Variants in BSPH1 observed in about 807,000 individuals in gnomAD.
The protein encoded by BSPH1 is binder of sperm protein homolog 1.
BSPH1 carries 21 observed loss-of-function variants against 22.5 expected under a neutral mutation model. The observed-to-expected ratio is 0.93, with a 90% CI of 0.66 to 1.35. The LOEUF (loss-of-function observed/expected upper bound fraction) is 1.35, where lower values mean the gene tolerates loss of function less well. BSPH1 is among the 40% of genes most tolerant of loss of function. The pLI, the probability that BSPH1 is intolerant of heterozygous loss-of-function variation, is 0.00. For synonymous variants in BSPH1, 42 were observed against 53.6 expected (o/e 0.78, Z 0.95); for missense variants, 141 against 154.2 (o/e 0.91, Z 0.45).
intron 1 of BSPH1, among the ~76,000 whole-genome samples, chr19:47,981,978 T>C (rs1225238409): frequency 1.3e-5 from 2 of 152,236 alleles, no homozygotes; most frequent in African/African-American, 4.8e-5. Context: ...ACAAAGTTCA[T>C]TTAATTGAGG....
chr19:47,988,611 C>T (rs111907828), intron 1 of BSPH1, among the ~76,000 whole-genome samples: 2 of 152,042 alleles, frequency 1.3e-5, no homozygotes, highest in Non-Finnish European at 2.9e-5. Flanking sequence ...AATAATGGCT[C>T]TTGCAATGCA....
In BSPH1 at chr19:47,985,077, A is replaced by AG. The variant is rs1342565414; in HGVS notation, c.74-4137_74-4136insC. ...AGACTCTGTCTGAAAAAAAAAAAAA[A>AG]AGAAAGAAAAAGAAAAAGAAAACTG... On this transcript the variant is annotated intron_variant, in intron 1 of 5. Coordinates refer to ENST00000344839, the MANE Select transcript of BSPH1 (RefSeq NM_001128326.2). Among the ~76,000 whole-genome samples the AG allele has an allele frequency of 4.2e-3, 509 of 121,726 alleles. 3 individuals are homozygous for AG. In the East Asian group the frequency reaches 0.052, roughly 12 times the overall value. 79.9% of individuals were successfully genotyped at this position (121,726 alleles called of 152,430 possible). A position where few individuals can be genotyped will look rare whatever the true frequency, so the allele number is the denominator to read the frequency against.
intron 5 of BSPH1, among the ~76,000 whole-genome samples, chr19:47,968,697 A>G (rs1176301681): frequency 1.3e-5 from 2 of 149,552 alleles, no homozygotes; most frequent in African/African-American, 4.9e-5. Flanking sequence ...AAAAAAAAAA[A>G]AAAAAAGAAA....
rs1055305729 is a variant in BSPH1 at position 47,976,980 on chromosome 19, C to T, written c.257-126G>A. On this transcript the variant is annotated intron_variant, in intron 4 of 5. Transcript: ENST00000344839. ...GCATGCACGTGAACAAATGTGCACACATACACATGCACACTCACACAGACA... is the reference window on the plus strand; with the variant it reads ...GCATGCACGTGAACAAATGTGCACATATACACATGCACACTCACACAGACA... 4 of 862,834 alleles carry T rather than the reference C, an allele frequency of 4.6e-6. No homozygotes were observed. The East Asian group carries it at 8.0e-5, about 17-fold the overall frequency. 53.4% of individuals were successfully genotyped at this position (862,834 alleles called of 1,614,324 possible).
rs981722687 is a variant in BSPH1, at chr19:47,979,592, T to G, written c.102A>C (p.Ile34=). ...TACCTGTAACTTCTGGAAAATGAGT[T>G]ATAGTTTCTGAAAAATAAAATTTAG... ...LNELSSTVET[I]THFPEVTDGE... Residue 34 remains isoleucine (I), a synonymous_variant, in exon 3 of 6, where the codon ATA becomes ATC. Coordinates refer to ENST00000344839, the MANE Select transcript of BSPH1 (RefSeq NM_001128326.2). The G allele has an allele frequency of 7.5e-6, 10 of 1,339,084 alleles. No homozygotes were observed. The highest frequency in any genetic ancestry group is 1.5e-5 in the African/African-American group (1 of 66,512). The allele number at this position is 1,339,084 out of a possible 1,614,324, so 83.0% of individuals were successfully genotyped here.
intron 1 of BSPH1, among the ~76,000 whole-genome samples, chr19:47,991,345 C>T (rs1050590551): frequency 3.9e-5 from 6 of 151,918 alleles, no homozygotes; most frequent in Non-Finnish European, 8.8e-5. Context: ...CAACCACTTC[C>T]CCTCCCTGTC....
intron 1 of BSPH1, among the ~76,000 whole-genome samples, chr19:47,983,451 A>T (rs1969437807): frequency 6.6e-6 from 1 of 152,126 alleles, no homozygotes; most frequent in Admixed American, 6.6e-5. Flanking sequence ...GAATGGGGAG[A>T]TACAGACGAG....
At chr19:47,974,304 C>G (rs1290490969) in intron 5 of BSPH1, among the ~76,000 whole-genome samples, 1 of 135,026 alleles carries the variant, frequency 7.4e-6, no homozygotes, top group Non-Finnish European at 1.5e-5. Context: ...GAGTCTTGCT[C>G]TGTCACCCAG....
At chr19:47,982,711 C>T (rs4802411) in intron 1 of BSPH1, among the ~76,000 whole-genome samples, 103,999 of 152,040 alleles carry the variant, frequency 0.68, 36,047 homozygotes, top group African/African-American at 0.79. Flanking sequence ...CCCACATGTC[C>T]GTGAGCAAAT....
At chr19:47,976,907 C>T (rs1969370627) in intron 4 of BSPH1, 53 bp from the exon 5 acceptor site, 1 of 1,497,192 alleles carries the variant, frequency 6.7e-7, no homozygotes, top group Admixed American at 2.0e-5. Context: ...TAATTTGCAC[C>T]CACCTCCACC....
chr19:47,980,967 AT>A, intron 1 of BSPH1, 26 bp from the exon 2 acceptor site: 1 of 1,312,412 alleles, frequency 7.6e-7, no homozygotes, highest in Non-Finnish European at 1.0e-6. Context: ...TTGAACAAAT[AT>A]TTATGTCACT....
chr19:47,973,256 A>ATAG (rs930434792), intron 5 of BSPH1, among the ~76,000 whole-genome samples: 1 of 146,140 alleles, frequency 6.8e-6, no homozygotes, highest in Non-Finnish European at 1.5e-5. Flanking sequence ...AATAATAATA[A>ATAG]TAATAATGTA....
chr19:47,968,681 T>TAAAA (rs71181616), intron 5 of BSPH1, among the ~76,000 whole-genome samples: 2,560 of 92,114 alleles, frequency 0.028, 81 homozygotes, highest in Middle Eastern at 0.053. Context: ...GACCCTGTCT[T>TAAAA]AAAAAAAAAA....
intron 5 of BSPH1, among the ~76,000 whole-genome samples, chr19:47,970,753 T>C (rs1969304436): frequency 6.6e-6 from 1 of 152,176 alleles, no homozygotes; most frequent in Non-Finnish European, 1.5e-5. Flanking sequence ...TCATGTGCCG[T>C]GATGTGGCAA....
intron 3 of BSPH1, 111 bp downstream of exon 3, chr19:47,979,459 T>C (rs569072857): frequency 1.7e-6 from 1 of 593,714 alleles, no homozygotes; most frequent in Non-Finnish European, 2.9e-6. Context: ...TTACATTTTA[T>C]ATAAGGAGAA....
chr19:47,985,757 C>A (rs767972583), intron 1 of BSPH1, among the ~76,000 whole-genome samples: 1 of 151,806 alleles, frequency 6.6e-6, no homozygotes, highest in East Asian at 1.9e-4. Context: ...ATCACTTGAA[C>A]CTGGGACGTG....
intron 2 of BSPH1, among the ~76,000 whole-genome samples, chr19:47,980,169 A>G (rs148180516): frequency 3.3e-5 from 5 of 150,314 alleles, no homozygotes; most frequent in African/African-American, 1.2e-4. Context: ...TTAGATTAAG[A>G]ATGTTTATTT....
At chr19:47,977,794 G>A (rs970808019) in intron 3 of BSPH1, 1 of 459,966 alleles carries the variant, frequency 2.2e-6, no homozygotes, top group Non-Finnish European at 2.9e-6. Flanking sequence ...AAATATAAAT[G>A]TGGGCATTTA....
chr19:47,969,323 C>G (rs1395296834), intron 5 of BSPH1, among the ~76,000 whole-genome samples: 1 of 152,088 alleles, frequency 6.6e-6, no homozygotes, highest in Non-Finnish European at 1.5e-5. Flanking sequence ...GGATATGAAG[C>G]AGAATTGAGA....
Sources: allele counts gnomAD v4.1 joint callset (sites outside exome capture counted in the v4.1 genomes callset), GRCh38; gene constraint gnomAD v4.1.1; transcripts MANE v1.5; gene names NCBI Gene and HGNC (gene_info 2026-07-23, HGNC 2026-07-21).